AGBL1: variants seen among roughly 807,000 people sequenced by gnomAD.
The protein encoded by AGBL1 is cytosolic carboxypeptidase 4.
In AGBL1, 130 loss-of-function variants were observed where a neutral mutation model predicts 118.9. The observed-to-expected ratio is 1.09, with a 90% CI of 0.95 to 1.26. The LOEUF is 1.26. Ranked by LOEUF, AGBL1 falls within the 50% of genes most tolerant of loss-of-function variation. AGBL1 has a pLI of 0.00. For synonymous variants in AGBL1, 555 were observed against 478.9 expected (o/e 1.16, Z -2.08); for missense variants, 1,584 against 1,298.1 (o/e 1.22, Z -3.38).
intron 17 of AGBL1, among the ~76,000 whole-genome samples, chr15:86,356,687 A>C (rs766102895): frequency 6.6e-6 from 1 of 152,170 alleles, no homozygotes; most frequent in Non-Finnish European, 1.5e-5. Context: ...GCAGGGCTAC[A>C]GTTCCTGAGA....
chr15:86,959,582 A>C (rs1028582354), intron 23 of AGBL1, among the ~76,000 whole-genome samples: 1 of 152,046 alleles, frequency 6.6e-6, no homozygotes, highest in South Asian at 2.1e-4. Context: ...TTGATTTGTT[A>C]TTTGTCAGGA....
intron 1 of AGBL1, among the ~76,000 whole-genome samples, chr15:86,127,995 G>A (rs2076769435): frequency 6.6e-6 from 1 of 151,940 alleles, no homozygotes; most frequent in South Asian, 2.1e-4. Flanking sequence ...TTTTTTGATT[G>A]GGCCATTCAT....
intron 17 of AGBL1, chr15:86,312,166 T>C (rs975689536): frequency 1.3e-5 from 2 of 152,214 alleles, no homozygotes; most frequent in Non-Finnish European, 2.9e-5. Context: ...AATGCTGAGA[T>C]TGTATTGTAC....
Position 86,914,359 on chromosome 15 carries a change from C to G in AGBL1, c.*7065C>G, listed in dbSNP as rs1254575147. 3 of 152,172 alleles carry G rather than the reference C, an allele frequency of 2.0e-5. No individual in the cohort carries two copies. Among genetic ancestry groups the G allele is most frequent in the Admixed American group, 6.5e-5 (1 of 15,270 alleles). 9.4% of individuals were successfully genotyped at this position (152,172 alleles called of 1,614,324 possible). ...AAGTGACTCATTTCACTCTCAGTAC[C>G]AGCTCTGTGGGATAAATGGACATTA... On this transcript the variant is annotated 3_prime_UTR_variant, in exon 23 of 23. Coordinates refer to ENST00000614907, the MANE Select transcript of AGBL1 (RefSeq NM_001386094.1).
At chr15:86,860,041 A>G (rs1360038427) in intron 22 of AGBL1, among the ~76,000 whole-genome samples, 4 of 152,182 alleles carry the variant, frequency 2.6e-5, no homozygotes, top group Non-Finnish European at 5.9e-5. Context: ...GTCTGATTCA[A>G]TAATGTCTTT....
chr15:86,538,473 G>A (rs1051986920), intron 19 of AGBL1, among the ~76,000 whole-genome samples: 6 of 152,148 alleles, frequency 3.9e-5, no homozygotes, highest in African/African-American at 1.2e-4. Context: ...GTAGCTGAAC[G>A]TGTCACCAAT....
intron 21 of AGBL1, among the ~76,000 whole-genome samples, chr15:86,571,081 G>A (rs1271228847): frequency 2.6e-5 from 4 of 152,140 alleles, no homozygotes; most frequent in East Asian, 1.9e-4. Context: ...TGGCTGGACC[G>A]GCTACACCAC....
In AGBL1 at chr15:86,909,125, A is replaced by G. The variant is rs1394487840; in HGVS notation, c.*1831A>G. Reference sequence around the variant, plus strand: ...TCTATCTTTCCAAAAGCTCTACATAATATTTCTTCTTAATCCCACCGGCTG... The same window carrying G: ...TCTATCTTTCCAAAAGCTCTACATAGTATTTCTTCTTAATCCCACCGGCTG... On this transcript the variant is annotated 3_prime_UTR_variant, in exon 23 of 23. Transcript: ENST00000614907. 1 of 152,180 alleles carries G rather than the reference A, an allele frequency of 6.6e-6. No individual in the cohort carries two copies. Among genetic ancestry groups the G allele is most frequent in the Non-Finnish European group, 1.5e-5 (1 of 68,024 alleles). 9.4% of individuals were successfully genotyped at this position (152,180 alleles called of 1,614,324 possible). A position where few individuals can be genotyped will look rare whatever the true frequency, so the allele number is the denominator to read the frequency against.
chr15:86,441,746 T>C (rs1429603340), intron 18 of AGBL1, among the ~76,000 whole-genome samples: 1 of 152,106 alleles, frequency 6.6e-6, no homozygotes, highest in Non-Finnish European at 1.5e-5. Flanking sequence ...TTACCAGAGA[T>C]GAATGTAATA....
chr15:86,204,168 A>G (rs1432531099), intron 5 of AGBL1, among the ~76,000 whole-genome samples: 2 of 152,136 alleles, frequency 1.3e-5, no homozygotes, highest in East Asian at 3.9e-4. Context: ...CAAGCCACTT[A>G]GAGGAATCCT....
At chr15:86,412,505 T>C (rs1031478514) in intron 18 of AGBL1, among the ~76,000 whole-genome samples, 4 of 152,224 alleles carry the variant, frequency 2.6e-5, no homozygotes, top group African/African-American at 9.6e-5. Context: ...GTTTTAACTA[T>C]AATTGTCAGT....
intron 1 of AGBL1, chr15:86,107,714 TGGG>T (rs949593063): frequency 6.6e-6 from 1 of 152,238 alleles, no homozygotes; most frequent in Non-Finnish European, 1.5e-5. Flanking sequence ...AACAGTGTTC[TGGG>T]TTTTTCTGTT....
chr15:86,475,523 A>G (rs1190301856), intron 18 of AGBL1, among the ~76,000 whole-genome samples: 1 of 152,218 alleles, frequency 6.6e-6, no homozygotes, highest in Non-Finnish European at 1.5e-5. Flanking sequence ...AAGTTTAGAG[A>G]AAAAAGAGTA....
At chr15:86,822,432 T>G (rs575689642) in intron 22 of AGBL1, among the ~76,000 whole-genome samples, 258 of 152,326 alleles carry the variant, frequency 1.7e-3, no homozygotes, top group Non-Finnish European at 3.1e-3. Context: ...CTAGGCTGTT[T>G]TATAATGTCT....
chr15:87,012,605 G>A (rs747978613), intron 24 of AGBL1, among the ~76,000 whole-genome samples: 31 of 152,032 alleles, frequency 2.0e-4, no homozygotes, highest in Non-Finnish European at 4.3e-4. Context: ...GTGTGTTCTG[G>A]GCTGTATCCT....
At chr15:86,412,598 G>A (rs1437572163) in intron 18 of AGBL1, among the ~76,000 whole-genome samples, 1 of 152,130 alleles carries the variant, frequency 6.6e-6, no homozygotes, top group East Asian at 1.9e-4. Flanking sequence ...ATGCATCTTA[G>A]CATCTTTCTA....
chr15:87,024,719 G>A (rs1220798139), intron 24 of AGBL1, among the ~76,000 whole-genome samples: 1 of 151,958 alleles, frequency 6.6e-6, no homozygotes, highest in African/African-American at 2.4e-5. Context: ...GATGAACATA[G>A]ATGCTAAAAT....
intron 1 of AGBL1, among the ~76,000 whole-genome samples, chr15:86,133,825 T>C (rs2076850473): frequency 6.6e-6 from 1 of 152,204 alleles, no homozygotes; most frequent in African/African-American, 2.4e-5. Flanking sequence ...CAGAAAATAG[T>C]ATATGCCATT....
intron 18 of AGBL1, among the ~76,000 whole-genome samples, chr15:86,415,087 G>T (rs182669822): frequency 6.6e-6 from 1 of 152,304 alleles, no homozygotes; most frequent in African/African-American, 2.4e-5. Flanking sequence ...GGCCTCAGAT[G>T]ATCAGTGGGT....
Sources: gnomAD v4.1 joint callset for allele counts (sites outside exome capture counted in the v4.1 genomes callset) on GRCh38, gnomAD v4.1.1 for gene constraint, MANE v1.5 for transcripts, NCBI Gene and HGNC (gene_info 2026-07-23, HGNC 2026-07-21) for gene names.